The following CCDC102B variants were observed in gnomAD, a reference collection of about 807,000 sequenced individuals.
The protein encoded by CCDC102B is coiled-coil domain-containing protein 102B.
A neutral mutation model predicts 57.4 loss-of-function variants in CCDC102B; 75 were observed. The observed-to-expected ratio is 1.31, with a 90% CI of 1.08 to 1.58. The LOEUF is 1.58. Among genes scored for constraint, CCDC102B ranks in the 40% most tolerant of loss-of-function variants. The pLI is 0.00. For missense variants in CCDC102B, 636 were observed against 582.6 expected, an observed-to-expected ratio of 1.09 and a Z score of -0.94; for synonymous variants, 206 against 201.9, an observed-to-expected ratio of 1.02 and a Z score of -0.17.
chr18:68,936,353 T>G (rs1194523775), intron 6 of CCDC102B, among the ~76,000 whole-genome samples: 2 of 151,996 alleles, frequency 1.3e-5, no homozygotes, highest in Non-Finnish European at 2.9e-5. Flanking sequence ...AAAATAACGC[T>G]TGGTATTTAG....
chr18:68,767,179 G>T (rs958612106), intron 2 of CCDC102B, among the ~76,000 whole-genome samples: 9 of 152,182 alleles, frequency 5.9e-5, no homozygotes, highest in Non-Finnish European at 1.2e-4. Context: ...TTACTGAAGT[G>T]AGGAAACTCA....
intron 1 of CCDC102B, among the ~76,000 whole-genome samples, chr18:68,832,389 A>ATTT (rs2037182391): frequency 6.6e-6 from 1 of 152,094 alleles, no homozygotes; most frequent in Non-Finnish European, 1.5e-5. Flanking sequence ...AGTTTGGTTT[A>ATTT]TTGTTTATGA....
Position 68,964,681 on chromosome 18 carries a change from T to C in CCDC102B, c.1264-46253T>C, listed in dbSNP as rs1481255559. Among the ~76,000 whole-genome samples, 3 of 152,066 alleles carry C rather than the reference T, an allele frequency of 2.0e-5. 1 individual carries two copies. The highest frequency in any genetic ancestry group is 4.1e-4 in the South Asian group (2 of 4,832). Reference sequence around the variant, plus strand: ...AAGTCGATGATATTTATCCATATTTTACCCTTTCTTTCTTTTCTTTGGTCT... The same window carrying C: ...AAGTCGATGATATTTATCCATATTTCACCCTTTCTTTCTTTTCTTTGGTCT... On this transcript the variant is annotated intron_variant, in intron 6 of 7. Transcript: ENST00000360242.
intron 7 of CCDC102B, among the ~76,000 whole-genome samples, chr18:69,049,018 A>G (rs1312300506): frequency 6.6e-6 from 1 of 151,782 alleles, no homozygotes; most frequent in African/African-American, 2.4e-5. Context: ...TGTTACCATC[A>G]TCAAAGGTTT....
intron 1 of CCDC102B, among the ~76,000 whole-genome samples, chr18:68,800,071 T>A (rs1223214398): frequency 1.3e-5 from 2 of 152,196 alleles, no homozygotes; most frequent in Admixed American, 1.3e-4. Context: ...TACATACATA[T>A]CCACAATTTT....
chr18:68,752,901 T>A (rs1158089775), intron 2 of CCDC102B, among the ~76,000 whole-genome samples: 1 of 152,166 alleles, frequency 6.6e-6, no homozygotes, highest in Non-Finnish European at 1.5e-5. Context: ...TGAATTCAAG[T>A]CTTTCATCAA....
At chr18:68,782,046 T>TAGGA (rs2035023010) in intron 2 of CCDC102B, among the ~76,000 whole-genome samples, 1 of 152,142 alleles carries the variant, frequency 6.6e-6, no homozygotes, top group Admixed American at 6.6e-5. Flanking sequence ...TTTCAGTGAA[T>TAGGA]AGGAATGCAA....
chr18:68,965,634 C>A (rs187360425), intron 6 of CCDC102B, among the ~76,000 whole-genome samples: 81 of 151,192 alleles, frequency 5.4e-4, no homozygotes, highest in Non-Finnish European at 9.0e-4. Context: ...ATATAAAAAA[C>A]CAGTCACTAT....
At chr18:68,822,972 C>T (rs542406669) in intron 1 of CCDC102B, among the ~76,000 whole-genome samples, 1 of 152,278 alleles carries the variant, frequency 6.6e-6, no homozygotes, top group South Asian at 2.1e-4. Flanking sequence ...CCTGCCTCTA[C>T]AAACCCCTCC....
chr18:69,034,647 T>C (rs1599877725), intron 7 of CCDC102B, among the ~76,000 whole-genome samples: 1 of 151,786 alleles, frequency 6.6e-6, no homozygotes, highest in Non-Finnish European at 1.5e-5. Context: ...AATTAACAAA[T>C]GTGAGTTATC....
intron 6 of CCDC102B, among the ~76,000 whole-genome samples, chr18:68,956,098 A>G (rs934890698): frequency 6.6e-6 from 1 of 151,474 alleles, no homozygotes; most frequent in African/African-American, 2.4e-5. Flanking sequence ...GTTTCGCTTA[A>G]CAAAATGACC....
At chr18:68,835,262 AC>A (rs1248203140) in intron 1 of CCDC102B, among the ~76,000 whole-genome samples, 37 of 152,156 alleles carry the variant, frequency 2.4e-4, no homozygotes, top group Middle Eastern at 3.4e-3. Context: ...TTGGGCTAAG[AC>A]TCTGTGTAGT....
At chr18:68,846,176 G>T in intron 3 of CCDC102B, 137 bp from the exon 4 acceptor site, 1 of 427,894 alleles carries the variant, frequency 2.3e-6, no homozygotes. Context: ...TTAATGAGTT[G>T]CAAAATGTTT....
intron 7 of CCDC102B, among the ~76,000 whole-genome samples, chr18:69,011,871 A>G (rs1427004671): frequency 1.3e-5 from 2 of 152,222 alleles, no homozygotes; most frequent in Non-Finnish European, 2.9e-5. Flanking sequence ...AAATAAAAAA[A>G]TAAGCAGCTG....
intron 6 of CCDC102B, among the ~76,000 whole-genome samples, chr18:68,962,351 C>T (rs960519472): frequency 2.0e-5 from 3 of 152,040 alleles, no homozygotes; most frequent in African/African-American, 7.2e-5. Context: ...GAAGTGAATG[C>T]CCTTGGGTGA....
chr18:68,929,660 A>G (rs1303372170), intron 6 of CCDC102B, among the ~76,000 whole-genome samples: 6 of 151,952 alleles, frequency 3.9e-5, no homozygotes, highest in Non-Finnish European at 4.4e-5. Context: ...ATTTTCAAAC[A>G]TTAACCATCT....
rs375149000 is a variant in CCDC102B, at chr18:69,047,303, CA to C, written c.1435-6725del. ...GAAGACAAAAACCACATGATTATCT[CA>C]ATAGATACAGAAAACACTTTCAATA... On this transcript the variant is annotated intron_variant, in intron 7 of 7. Coordinates refer to ENST00000360242, the MANE Select transcript of CCDC102B (RefSeq NM_024781.3). 2.5e-4 allele frequency among the ~76,000 whole-genome samples: 38 copies of C among 152,196 alleles called. No individual in the cohort carries two copies. In the East Asian group the frequency reaches 4.5e-3, roughly 18 times the overall value.
At chr18:68,836,706 AG>A (rs1202324704) in intron 1 of CCDC102B, 42 bp from the exon 2 acceptor site, 2 of 1,471,386 alleles carry the variant, frequency 1.4e-6, no homozygotes, top group Non-Finnish European at 1.8e-6. Flanking sequence ...TGTATTTACA[AG>A]GGAAATTTCA....
chr18:68,841,020 G>A (rs180709404), intron 3 of CCDC102B, among the ~76,000 whole-genome samples: 7 of 152,192 alleles, frequency 4.6e-5, no homozygotes, highest in Non-Finnish European at 8.8e-5. Context: ...ACAATCCCAC[G>A]GACGTGATGA....
Sources: allele counts gnomAD v4.1 joint callset (sites outside exome capture counted in the v4.1 genomes callset), GRCh38; gene constraint gnomAD v4.1.1; transcripts MANE v1.5; gene names NCBI Gene and HGNC (gene_info 2026-07-23, HGNC 2026-07-21).